The following MYOT variants were observed in gnomAD, a reference collection of about 807,000 sequenced individuals.
The protein encoded by MYOT is 57 kDa cytoskeletal protein.
In MYOT, 36 loss-of-function variants were observed where a neutral mutation model predicts 58.0. The observed-to-expected ratio is 0.62, with a 90% CI of 0.48 to 0.82. The LOEUF (loss-of-function observed/expected upper bound fraction) is 0.82. Ranked by LOEUF, MYOT falls within the 40% of genes least tolerant of loss-of-function variation. MYOT has a pLI of 0.00. For synonymous variants in MYOT, 218 were observed against 204.6 expected (o/e 1.07, Z -0.56); for missense variants, 505 against 592.1 (o/e 0.85, Z 1.53).
At chr5:137,869,099 T>A (rs1023030471) in intron 1 of MYOT, among the ~76,000 whole-genome samples, 1 of 152,206 alleles carries the variant, frequency 6.6e-6, no homozygotes, top group African/African-American at 2.4e-5. Flanking sequence ...TTATTTAGGA[T>A]GAAACTCTTT....
intron 2 of MYOT, among the ~76,000 whole-genome samples, chr5:137,872,732 A>C (rs1462548219): frequency 6.6e-6 from 1 of 152,174 alleles, no homozygotes; most frequent in African/African-American, 2.4e-5. Flanking sequence ...GAAATTTGAA[A>C]GCTTTATTTA....
intron 4 of MYOT, 94 bp downstream of exon 4, chr5:137,877,715 AG>A (rs369195839): frequency 7.2e-4 from 657 of 910,110 alleles, no homozygotes; most frequent in Non-Finnish European, 1.1e-3. Flanking sequence ...CTGAAATAAA[AG>A]TCGGTCAGTT....
chr5:137,887,189 C>A, intron 9 of MYOT, 24 bp from the exon 10 acceptor site: 2 of 1,613,780 alleles, frequency 1.2e-6, no homozygotes, highest in South Asian at 2.2e-5. Flanking sequence ...TTTTCTGAAT[C>A]AACTTTTATG....
At position 137,886,995 on chromosome 5, in the gene MYOT, CG is replaced by C. The variant is rs1561666201; in HGVS notation, c.1324+1del. The C allele has an allele frequency of 6.8e-6, 11 of 1,612,992 alleles. No individual in the cohort carries two copies. In the South Asian group the frequency reaches 9.9e-5, roughly 14 times the overall value. On this transcript the variant is annotated frameshift_variant and splice_region_variant, in exon 9 of 10. Coordinates refer to ENST00000239926, the MANE Select transcript of MYOT (RefSeq NM_006790.3). LOFTEE classifies it high-confidence loss of function. ...VTTCNTRLDV[T>X]ARPNQTLPAP... is the part of the protein sequence containing the mutation. The stretch of plus-strand genomic sequence containing the variant: ...ACATGTAACACAAGATTAGACGTTA[CG>C]GGTATGTCATACTATTAACCAAAGT...
intron 4 of MYOT, among the ~76,000 whole-genome samples, chr5:137,880,045 T>G (rs958586812): frequency 6.6e-6 from 1 of 152,182 alleles, no homozygotes; most frequent in Non-Finnish European, 1.5e-5. Context: ...TACTCAGATC[T>G]TGTGTGCTCC....
intron 7 of MYOT, 30 bp from the exon 8 acceptor site, chr5:137,886,018 A>C: frequency 7.1e-7 from 1 of 1,415,750 alleles, no homozygotes; most frequent in Non-Finnish European, 9.8e-7. Flanking sequence ...ATAATATTTC[A>C]AATACTTGAA....
In MYOT at chr5:137,887,257, C is replaced by A. The variant is rs754082516; in HGVS notation, c.1369C>A (p.Arg457=). The change falls in exon 10 of 10, where the codon CGA becomes AGA. Residue 457 remains arginine (R), a synonymous_variant. Transcript: ENST00000239926. ...TCCAGCTCCTAAGCAGTTACGGGTT[C>A]GACCAACATTCAGCAAATATTTAGC... is the stretch of plus-strand genomic sequence containing the variant. ...TLPAPKQLRV[R]PTFSKYLALN... 5.0e-6 allele frequency: 8 copies of A among 1,613,988 alleles called. No individual in the cohort carries two copies. In the East Asian group the frequency reaches 1.3e-4, roughly 27 times the overall value.
intron 6 of MYOT, chr5:137,883,127 T>G: frequency 2.3e-6 from 1 of 440,286 alleles, no homozygotes; most frequent in South Asian, 2.3e-5. Context: ...AATATAGAAA[T>G]TAAGAGTTCA....
At chr5:137,870,408 A>G in intron 1 of MYOT, 33 bp from the exon 2 acceptor site, 1 of 588,906 alleles carries the variant, frequency 1.7e-6, no homozygotes. Context: ...TTGTTTAAGC[A>G]AATATTGTAA....
chr5:137,872,816 G>A (rs902104961), intron 2 of MYOT, among the ~76,000 whole-genome samples: 1 of 152,156 alleles, frequency 6.6e-6, no homozygotes, highest in African/African-American at 2.4e-5. Flanking sequence ...AAACTGAGGG[G>A]AACTCAATTG....
chr5:137,880,938 T>C (rs1202433751), intron 5 of MYOT, 73 bp downstream of exon 5: 152 of 1,125,710 alleles, frequency 1.4e-4, no homozygotes, highest in South Asian at 9.3e-5. Context: ...ATGTAATATT[T>C]ATAAAGCCCT....
chr5:137,876,219 G>A (rs995000799), intron 3 of MYOT: 12 of 550,830 alleles, frequency 2.2e-5, no homozygotes, highest in African/African-American at 1.9e-4. Flanking sequence ...AAATGTATCT[G>A]AATGGTTTAA....
intron 5 of MYOT, among the ~76,000 whole-genome samples, chr5:137,881,373 T>C (rs924340998): frequency 3.3e-5 from 5 of 152,186 alleles, no homozygotes; most frequent in South Asian, 2.1e-4. Flanking sequence ...GGTTTCAAAT[T>C]TGATGGCTAG....
At chr5:137,868,766 G>C (rs963113375) in intron 1 of MYOT, among the ~76,000 whole-genome samples, 1 of 147,420 alleles carries the variant, frequency 6.8e-6, no homozygotes, top group African/African-American at 2.7e-5. Flanking sequence ...TTCTGCAACA[G>C]ACTGAATAAA....
chr5:137,869,879 CAT>C (rs1754985432), intron 1 of MYOT, among the ~76,000 whole-genome samples: 1 of 151,156 alleles, frequency 6.6e-6, no homozygotes, highest in South Asian at 2.1e-4. Flanking sequence ...CAGCCTGTAA[CAT>C]ATGTTCTACA....
At chr5:137,870,126 T>TAAA (rs566265335) in intron 1 of MYOT, among the ~76,000 whole-genome samples, 4 of 86,906 alleles carry the variant, frequency 4.6e-5, no homozygotes, top group African/African-American at 7.9e-5. Context: ...CTGTCTCTAC[T>TAAA]AAAAAAAAAA....
In MYOT at chr5:137,887,204, C is replaced by G; in HGVS notation, c.1325-9C>G. 6.2e-7 allele frequency: 1 copy of G among 1,613,938 alleles called. No individual in the cohort carries two copies. Among genetic ancestry groups the G allele is most frequent in the Non-Finnish European group, 8.5e-7 (1 of 1,179,948 alleles). On this transcript the variant is annotated splice_polypyrimidine_tract_variant and intron_variant, in intron 9 of 9. Transcript: ENST00000239926. The stretch of plus-strand genomic sequence containing the variant: ...TTTTCTGAATCAACTTTTATGTGAT[C>G]TATTTCAGCACGTCCAAACCAAACT...
At chr5:137,879,734 C>A (rs1755361281) in intron 4 of MYOT, among the ~76,000 whole-genome samples, 1 of 119,588 alleles carries the variant, frequency 8.4e-6, no homozygotes. Flanking sequence ...GACAGGATTT[C>A]ACCTTGTTAC....
chr5:137,876,024 G>A (rs778453526), intron 3 of MYOT, 21 bp downstream of exon 3: 1 of 1,612,854 alleles, frequency 6.2e-7, no homozygotes, highest in South Asian at 1.1e-5. Flanking sequence ...TGTCTATTTT[G>A]TACAAAAGGC....
Sources: gnomAD v4.1 joint callset for allele counts (sites outside exome capture counted in the v4.1 genomes callset) on GRCh38, gnomAD v4.1.1 for gene constraint, MANE v1.5 for transcripts, NCBI Gene and HGNC (gene_info 2026-07-23, HGNC 2026-07-21) for gene names.